The following TMEM17 variants were observed in gnomAD, a reference collection of about 807,000 sequenced individuals.
TMEM17 encodes the protein transmembrane protein 17.
TMEM17 carries 15 observed loss-of-function variants against 19.1 expected under a neutral mutation model. The ratio of observed to expected loss-of-function variants is 0.78; its 90% CI spans 0.52 to 1.21. The LOEUF (loss-of-function observed/expected upper bound fraction) is 1.21, where lower values mean the gene tolerates loss of function less well. Ranked by LOEUF, TMEM17 falls within the 50% of genes most tolerant of loss-of-function variation. The pLI is 0.00. For missense variants in TMEM17, 245 were observed against 242.3 expected (o/e 1.01, Z -0.07); for synonymous variants, 103 against 86.9 (o/e 1.19, Z -1.03).
chr2:62,502,309 T>C (rs1679949538), intron 3 of TMEM17, 128 bp downstream of exon 3: 1 of 557,784 alleles, frequency 1.8e-6, no homozygotes, highest in Non-Finnish European at 3.2e-6. Context: ...GTGACAGAAG[T>C]GGTAAAGCTG....
chr2:62,479,791 G>A, the TMEM17 span, among the ~76,000 whole-genome samples: 44 of 150,978 alleles, frequency 2.9e-4, no homozygotes, highest in African/African-American at 8.5e-4. Flanking sequence ...GGAAGCTGAG[G>A]TAGGAGTATC....
chr2:62,480,591 A>C, the TMEM17 span, among the ~76,000 whole-genome samples: 1 of 152,076 alleles, frequency 6.6e-6, no homozygotes, highest in African/African-American at 2.4e-5. Context: ...ATTAAGGGTG[A>C]GATGTAGGGG....
At chr2:62,484,272 A>G in the TMEM17 span, among the ~76,000 whole-genome samples, 4 of 152,054 alleles carry the variant, frequency 2.6e-5, no homozygotes, top group African/African-American at 9.7e-5. Context: ...GGGTTAGGGG[A>G]TGTTCCCATT....
At chr2:62,498,498 C>T (rs936178472), downstream of TMEM17, among the ~76,000 whole-genome samples, 1 of 150,732 alleles carries the variant, frequency 6.6e-6, no homozygotes, top group African/African-American at 2.4e-5. Flanking sequence ...GGGCGGATCA[C>T]GAGGTCAGGA....
the TMEM17 span, among the ~76,000 whole-genome samples, chr2:62,455,308 A>G: frequency 6.6e-6 from 1 of 152,166 alleles, no homozygotes; most frequent in Non-Finnish European, 1.5e-5. Context: ...CTGTTCCTTT[A>G]TATTGCTGAG....
At chr2:62,460,845 T>G in the TMEM17 span, among the ~76,000 whole-genome samples, 20 of 152,208 alleles carry the variant, frequency 1.3e-4, no homozygotes, top group African/African-American at 4.8e-4. Flanking sequence ...GATGAACACC[T>G]GCTGTGTGCC....
chr2:62,477,940 C>A, the TMEM17 span, among the ~76,000 whole-genome samples: 1 of 152,200 alleles, frequency 6.6e-6, no homozygotes, highest in Admixed American at 6.5e-5. Flanking sequence ...ACTGCTTCAC[C>A]GCCTTTCTGC....
the TMEM17 span, among the ~76,000 whole-genome samples, chr2:62,454,149 C>A: frequency 6.6e-6 from 1 of 152,162 alleles, no homozygotes; most frequent in Non-Finnish European, 1.5e-5. Flanking sequence ...AGCCTCCTGG[C>A]CCAGCTCCCA....
At chr2:62,461,653 G>A in the TMEM17 span, among the ~76,000 whole-genome samples, 22 of 152,284 alleles carry the variant, frequency 1.4e-4, no homozygotes, top group East Asian at 2.5e-3. Context: ...CTCTGGGGGC[G>A]TCTATTAACA....
the TMEM17 span, among the ~76,000 whole-genome samples, chr2:62,459,024 C>T: frequency 6.6e-6 from 1 of 152,344 alleles, no homozygotes; most frequent in South Asian, 2.1e-4. Flanking sequence ...TATGTTTTCA[C>T]TTCTCTTGGA....
chr2:62,465,585 C>T, the TMEM17 span, among the ~76,000 whole-genome samples: 2 of 147,146 alleles, frequency 1.4e-5, no homozygotes, highest in Non-Finnish European at 1.5e-5. Flanking sequence ...ATAGTGAGAC[C>T]TTGTCTATAT....
chr2:62,484,651 C>T, the TMEM17 span, among the ~76,000 whole-genome samples: 1 of 152,136 alleles, frequency 6.6e-6, no homozygotes, highest in Non-Finnish European at 1.5e-5. Context: ...GACCTGCTGA[C>T]TTTCGTTCAG....
the TMEM17 span, among the ~76,000 whole-genome samples, chr2:62,464,551 T>C: frequency 6.6e-6 from 1 of 152,036 alleles, no homozygotes; most frequent in African/African-American, 2.4e-5. Context: ...TTGCCAAAAG[T>C]GCATAACCTC....
the TMEM17 span, among the ~76,000 whole-genome samples, chr2:62,469,920 G>A: frequency 6.6e-6 from 1 of 152,138 alleles, no homozygotes; most frequent in African/African-American, 2.4e-5. Flanking sequence ...TTTCCTTTCC[G>A]CAGTCCCTGA....
chr2:62,455,621 G>C, the TMEM17 span, among the ~76,000 whole-genome samples: 9 of 152,134 alleles, frequency 5.9e-5, no homozygotes, highest in African/African-American at 2.2e-4. Flanking sequence ...ACAAAAATTA[G>C]CTGGGTGTGG....
At chr2:62,502,379 G>C (rs1437585296) in intron 3 of TMEM17, 58 bp downstream of exon 3, 3 of 1,247,624 alleles carry the variant, frequency 2.4e-6, no homozygotes, top group Non-Finnish European at 1.2e-6. Flanking sequence ...CCTTTTACTT[G>C]TTATGAAAAC....
At chr2:62,490,355 C>T in the TMEM17 span, among the ~76,000 whole-genome samples, 1 of 152,052 alleles carries the variant, frequency 6.6e-6, no homozygotes, top group Non-Finnish European at 1.5e-5. Context: ...CCTCAACCAC[C>T]CAGGCTCAAG....
chr2:62,483,816 G>A, the TMEM17 span, among the ~76,000 whole-genome samples: 2 of 152,058 alleles, frequency 1.3e-5, no homozygotes, highest in Non-Finnish European at 2.9e-5. Context: ...GGCCAGGCTG[G>A]TCTTGATCTC....
chr2:62,483,788 CAG>C, the TMEM17 span, among the ~76,000 whole-genome samples: 2 of 151,888 alleles, frequency 1.3e-5, no homozygotes, highest in African/African-American at 4.8e-5. Context: ...TTAGGAGAGA[CAG>C]GGGTTTCACC....
Sources: allele counts gnomAD v4.1 joint callset (sites outside exome capture counted in the v4.1 genomes callset), GRCh38; gene constraint gnomAD v4.1.1; transcripts MANE v1.5; gene names NCBI Gene and HGNC (gene_info 2026-07-23, HGNC 2026-07-21).